The following TENM2 variants were observed in gnomAD, a reference collection of about 807,000 sequenced individuals.
The protein encoded by TENM2 is teneurin-2.
A neutral mutation model predicts 245.2 loss-of-function variants in TENM2; 52 were observed. That is an observed-to-expected ratio of 0.21 (90% confidence interval 0.17 to 0.27). The LOEUF (loss-of-function observed/expected upper bound fraction) is 0.27, where lower values mean the gene tolerates loss of function less well. Ranked by LOEUF, TENM2 falls within the 10% of genes least tolerant of loss-of-function variation. The pLI is 1.00. For synonymous variants in TENM2, 1,363 were observed against 1,438.9 expected, an observed-to-expected ratio of 0.95 and a Z score of 1.19; for missense variants, 3,046 against 3,666.8, an observed-to-expected ratio of 0.83 and a Z score of 4.37.
chr5:168,015,007 T>G (rs1200062834), intron 5 of TENM2, among the ~76,000 whole-genome samples: 1 of 152,198 alleles, frequency 6.6e-6, no homozygotes, highest in Non-Finnish European at 1.5e-5. Context: ...CAGGCATTGC[T>G]TTGGCTAAAC....
chr5:167,066,470 T>A, the TENM2 span, among the ~76,000 whole-genome samples: 1 of 151,958 alleles, frequency 6.6e-6, no homozygotes, highest in African/African-American at 2.4e-5. Context: ...CATGTTGGTG[T>A]GCTGCACCCA....
chr5:167,905,344 A>G (rs768570942), intron 3 of TENM2, among the ~76,000 whole-genome samples: 4 of 152,210 alleles, frequency 2.6e-5, no homozygotes, highest in Non-Finnish European at 5.9e-5. Context: ...CCACGAATGA[A>G]TCTTCATTGG....
chr5:167,734,748 G>A (rs1034780631), intron 2 of TENM2, among the ~76,000 whole-genome samples: 2 of 152,104 alleles, frequency 1.3e-5, no homozygotes, highest in African/African-American at 4.8e-5. Context: ...TAAACACTGA[G>A]CTTGACCTAC....
the TENM2 span, among the ~76,000 whole-genome samples, chr5:167,120,694 G>T: frequency 6.6e-6 from 1 of 152,142 alleles, no homozygotes; most frequent in Non-Finnish European, 1.5e-5. Context: ...GTTATCTTTG[G>T]TTCTGGTCTT....
At chr5:167,591,652 G>A (rs1261544138) in intron 2 of TENM2, among the ~76,000 whole-genome samples, 2 of 152,160 alleles carry the variant, frequency 1.3e-5, no homozygotes, top group East Asian at 3.9e-4. Flanking sequence ...ATAACATCTT[G>A]CAAATAAATT....
At chr5:167,233,184 G>A in the TENM2 span, among the ~76,000 whole-genome samples, 2 of 152,166 alleles carry the variant, frequency 1.3e-5, no homozygotes, top group African/African-American at 4.8e-5. Context: ...GTCTGACCTT[G>A]CTGTTTGTGT....
At chr5:167,583,761 G>T (rs565796867) in intron 2 of TENM2, among the ~76,000 whole-genome samples, 81 of 152,254 alleles carry the variant, frequency 5.3e-4, no homozygotes, top group African/African-American at 1.7e-3. Flanking sequence ...CATCTCCCCT[G>T]CCTCTGAGCC....
At chr5:167,093,043 G>T in the TENM2 span, among the ~76,000 whole-genome samples, 10 of 152,062 alleles carry the variant, frequency 6.6e-5, no homozygotes, top group Non-Finnish European at 5.9e-5. Context: ...TCAAATCTCT[G>T]CCCTGGTGTT....
At chr5:167,973,521 T>TTA (rs1291113422) in intron 4 of TENM2, among the ~76,000 whole-genome samples, 2 of 152,140 alleles carry the variant, frequency 1.3e-5, no homozygotes, top group Non-Finnish European at 2.9e-5. Flanking sequence ...AGCAGATTAT[T>TTA]TATATTGATA....
rs2150615122 is a variant in TENM2, at chr5:167,745,819, G to A, written c.503-130167G>A. On this transcript the variant is annotated intron_variant, in intron 2 of 28. Transcript: ENST00000518659. ...CATCTATGCATAGCATGTATCAGTA[G>A]TTCATTCTTTTTATTGCTGAATGGT... 1.3e-5 allele frequency among the ~76,000 whole-genome samples: 2 copies of A among 152,286 alleles called. 1 individual carries two copies. The highest frequency in any genetic ancestry group is 1.3e-4 in the Admixed American group (2 of 15,288).
At chr5:167,450,643 G>T (rs1250376975) in intron 2 of TENM2, among the ~76,000 whole-genome samples, 1 of 152,098 alleles carries the variant, frequency 6.6e-6, no homozygotes, top group Non-Finnish European at 1.5e-5. Context: ...TAAAAATAAT[G>T]AATGGAGGGA....
intron 5 of TENM2, among the ~76,000 whole-genome samples, chr5:168,028,897 C>G (rs1226596465): frequency 6.6e-6 from 1 of 151,936 alleles, no homozygotes; most frequent in Non-Finnish European, 1.5e-5. Flanking sequence ...GTGGAGCTCT[C>G]TTTTCTCCTG....
intron 2 of TENM2, among the ~76,000 whole-genome samples, chr5:167,652,240 T>G (rs1754522114): frequency 6.6e-6 from 1 of 152,178 alleles, no homozygotes; most frequent in Non-Finnish European, 1.5e-5. Context: ...GCATCCAAAG[T>G]CATCTTTTAA....
chr5:167,706,511 T>G (rs1332048428), intron 2 of TENM2, among the ~76,000 whole-genome samples: 2 of 151,798 alleles, frequency 1.3e-5, no homozygotes, highest in East Asian at 3.9e-4. Flanking sequence ...GACATTTAAG[T>G]TGCCTCCATG....
intron 14 of TENM2, among the ~76,000 whole-genome samples, 167 bp from the exon 17 acceptor site, chr5:168,195,009 A>G (rs961777029): frequency 3.9e-5 from 6 of 152,096 alleles, no homozygotes; most frequent in African/African-American, 1.4e-4. Flanking sequence ...CTGCCCATGG[A>G]TTTCACCCCA....
chr5:167,771,029 A>C (rs1474970626), intron 2 of TENM2, among the ~76,000 whole-genome samples: 1 of 152,168 alleles, frequency 6.6e-6, no homozygotes, highest in Non-Finnish European at 1.5e-5. Context: ...CCTGAGATTT[A>C]ATATGAAGAG....
At chr5:167,934,492 C>T (rs1268885561) in intron 3 of TENM2, among the ~76,000 whole-genome samples, 1 of 152,070 alleles carries the variant, frequency 6.6e-6, no homozygotes, top group Non-Finnish European at 1.5e-5. Flanking sequence ...TTGTCGTCAC[C>T]TTTAAAAGCA....
intron 2 of TENM2, among the ~76,000 whole-genome samples, chr5:167,479,715 G>T (rs1197864318): frequency 6.6e-6 from 1 of 152,096 alleles, no homozygotes; most frequent in Admixed American, 6.6e-5. Flanking sequence ...ACTCTGCATT[G>T]TGGTAGCATA....
chr5:167,014,353 A>C, the TENM2 span, among the ~76,000 whole-genome samples: 1 of 152,140 alleles, frequency 6.6e-6, no homozygotes, highest in South Asian at 2.1e-4. Context: ...AAAACAAACA[A>C]AACAAAAGCA....
Sources: allele counts gnomAD v4.1 joint callset (sites outside exome capture counted in the v4.1 genomes callset), GRCh38; gene constraint gnomAD v4.1.1; transcripts MANE v1.5; gene names NCBI Gene and HGNC (gene_info 2026-07-23, HGNC 2026-07-21).